Variants in CNTN4 observed in about 807,000 individuals in gnomAD.
CNTN4 encodes the protein contactin-4.
Under a neutral mutation model 122.5 loss-of-function variants are expected in CNTN4, and 77 were observed. The observed-to-expected ratio is 0.63, with a 90% confidence interval of 0.52 to 0.76. CNTN4 has a LOEUF of 0.76. Among genes scored for constraint, CNTN4 ranks in the 30% least tolerant of loss-of-function variants. CNTN4 has a pLI of 0.00. For synonymous variants in CNTN4, 512 were observed against 447.0 expected (o/e 1.15, Z -1.83); for missense variants, 1,256 against 1,259.1 (o/e 1.00, Z 0.04).
intron 2 of CNTN4, among the ~76,000 whole-genome samples, chr3:2,107,613 G>A: frequency 6.6e-6 from 1 of 152,108 alleles, no homozygotes; most frequent in East Asian, 1.9e-4. Context: ...TTTGGGTGGG[G>A]ACACAGAACC....
intron 3 of CNTN4, among the ~76,000 whole-genome samples, chr3:2,415,822 T>C (rs2047391585): frequency 6.6e-6 from 1 of 152,088 alleles, no homozygotes; most frequent in African/African-American, 2.4e-5. Flanking sequence ...TGGTTTTTGA[T>C]TTGGGATTTG....
intron 4 of CNTN4, 72 bp from the exon 5 acceptor site, chr3:2,736,143 G>A: frequency 2.8e-6 from 4 of 1,424,860 alleles, no homozygotes; most frequent in Non-Finnish European, 4.0e-6. Flanking sequence ...TTTTCCTTAT[G>A]TTGTTGTTTC....
At chr3:2,298,778 A>T (rs1479222998) in intron 2 of CNTN4, among the ~76,000 whole-genome samples, 3 of 152,208 alleles carry the variant, frequency 2.0e-5, no homozygotes, top group Non-Finnish European at 4.4e-5. Context: ...ATATGTGTAG[A>T]TTAAGCATGG....
chr3:2,981,644 C>T (rs553345555), intron 13 of CNTN4, among the ~76,000 whole-genome samples: 1 of 152,160 alleles, frequency 6.6e-6, no homozygotes, highest in South Asian at 2.1e-4. Flanking sequence ...AAGAAAATAT[C>T]TAAGTATTTA....
At chr3:2,801,773 A>C (rs2092353805) in intron 6 of CNTN4, among the ~76,000 whole-genome samples, 1 of 132,208 alleles carries the variant, frequency 7.6e-6, no homozygotes. Context: ...TCTCCCCTGA[A>C]AGTGTTTTTT....
At chr3:2,827,522 A>T (rs1299555301) in intron 7 of CNTN4, among the ~76,000 whole-genome samples, 1 of 152,232 alleles carries the variant, frequency 6.6e-6, no homozygotes, top group Admixed American at 6.5e-5. Flanking sequence ...ACATTCATGT[A>T]ACAACTTTTA....
intron 3 of CNTN4, among the ~76,000 whole-genome samples, chr3:2,388,562 T>C (rs773994428): frequency 1.3e-5 from 2 of 152,216 alleles, no homozygotes; most frequent in Non-Finnish European, 2.9e-5. Context: ...ACCTAACCAA[T>C]GGCTGGGCAC....
intron 3 of CNTN4, among the ~76,000 whole-genome samples, chr3:2,441,722 C>A (rs1296568674): frequency 6.6e-6 from 1 of 152,130 alleles, no homozygotes; most frequent in Non-Finnish European, 1.5e-5. Flanking sequence ...TTAGAAAGGC[C>A]TGTCTCCAGA....
Position 2,736,128 on chromosome 3 carries a change from T to C in CNTN4, c.56-87T>C, listed in dbSNP as rs2089069012. The C allele has an allele frequency of 3.0e-6, 4 of 1,346,582 alleles. No individual in the cohort carries two copies. In the South Asian group the frequency reaches 3.5e-5, roughly 12 times the overall value. The allele number at this position is 1,346,582 out of a possible 1,614,324, so 83.4% of individuals were successfully genotyped here. A position where few individuals can be genotyped will look rare whatever the true frequency, so the allele number is the denominator to read the frequency against. The stretch of plus-strand genomic sequence containing the variant: ...TTACTATTTTTTGTTAATTTCTTTC[T>C]ATTATTTTCCTTATGTTGTTGTTTC... On this transcript the variant is annotated intron_variant, in intron 4 of 24. Coordinates refer to ENST00000418658, the MANE Select transcript of CNTN4 (RefSeq NM_175607.3).
intron 3 of CNTN4, among the ~76,000 whole-genome samples, chr3:2,352,492 G>C (rs972064074): frequency 1.3e-5 from 2 of 152,222 alleles, no homozygotes; most frequent in African/African-American, 4.8e-5. Flanking sequence ...CAGAGTGGCA[G>C]GCCGGCACAG....
chr3:2,916,905 C>T (rs1252399311), intron 12 of CNTN4, among the ~76,000 whole-genome samples: 1 of 149,522 alleles, frequency 6.7e-6, no homozygotes, highest in Non-Finnish European at 1.5e-5. Flanking sequence ...GGGGTGGCGG[C>T]CGGGCAGAGG....
chr3:2,900,384 G>A (rs1175709682), intron 10 of CNTN4, among the ~76,000 whole-genome samples: 6 of 151,960 alleles, frequency 3.9e-5, no homozygotes, highest in Non-Finnish European at 7.4e-5. Context: ...ATTCTCTACT[G>A]AAAGGAAAAA....
chr3:2,266,568 A>G (rs1575212647), intron 2 of CNTN4, among the ~76,000 whole-genome samples: 1 of 152,070 alleles, frequency 6.6e-6, no homozygotes, highest in African/African-American at 2.4e-5. Context: ...AAGGGCTGTT[A>G]GCTGTGATTG....
intron 3 of CNTN4, among the ~76,000 whole-genome samples, chr3:2,352,748 C>T (rs562128215): frequency 2.0e-4 from 31 of 152,318 alleles, no homozygotes; most frequent in African/African-American, 4.8e-4. Flanking sequence ...TCCCATCAAC[C>T]GCCCAAGGGC....
chr3:2,252,602 G>C (rs1421534858), intron 2 of CNTN4, among the ~76,000 whole-genome samples: 1 of 152,046 alleles, frequency 6.6e-6, no homozygotes, highest in Admixed American at 6.6e-5. Context: ...TTGCAGGTTA[G>C]TTTGTCCTGT....
intron 6 of CNTN4, among the ~76,000 whole-genome samples, chr3:2,793,601 G>A (rs781101108): frequency 6.6e-6 from 1 of 152,050 alleles, no homozygotes; most frequent in Non-Finnish European, 1.5e-5. Context: ...TGCTATTTGA[G>A]GGATGTTTTG....
At chr3:2,577,547 A>G (rs890721723) in intron 4 of CNTN4, among the ~76,000 whole-genome samples, 2 of 152,204 alleles carry the variant, frequency 1.3e-5, no homozygotes, top group Admixed American at 1.3e-4. Flanking sequence ...AAGGAGTTGA[A>G]CAGATGGTTT....
At chr3:2,428,006 A>G (rs1370517755) in intron 3 of CNTN4, among the ~76,000 whole-genome samples, 2 of 150,574 alleles carry the variant, frequency 1.3e-5, no homozygotes, top group Non-Finnish European at 2.9e-5. Flanking sequence ...GCACACTGAC[A>G]GGTCTTGACT....
intron 2 of CNTN4, among the ~76,000 whole-genome samples, chr3:2,183,021 C>T (rs1241751053): frequency 6.6e-6 from 1 of 152,068 alleles, no homozygotes; most frequent in Non-Finnish European, 1.5e-5. Flanking sequence ...TTAGCTCTAA[C>T]TCATATCTTC....
Sources: allele counts gnomAD v4.1 joint callset (sites outside exome capture counted in the v4.1 genomes callset), GRCh38; gene constraint gnomAD v4.1.1; transcripts MANE v1.5; gene names NCBI Gene and HGNC (gene_info 2026-07-23, HGNC 2026-07-21).